Variants in SYNPO2 observed in about 807,000 individuals in gnomAD.
SYNPO2 encodes synaptopodin 2.
SYNPO2 carries 56 observed loss-of-function variants against 85.0 expected under a neutral mutation model. The observed-to-expected ratio is 0.66, with a 90% CI of 0.53 to 0.82. The LOEUF (loss-of-function observed/expected upper bound fraction) is 0.82. SYNPO2 is among the 40% of genes least tolerant of loss of function. The pLI is 0.00. For synonymous variants in SYNPO2, 602 were observed against 591.1 expected (o/e 1.02, Z -0.27); for missense variants, 1,575 against 1,534.2 (o/e 1.03, Z -0.44).
intron 1 of SYNPO2, among the ~76,000 whole-genome samples, chr4:119,011,843 G>T (rs542270650): frequency 1.4e-4 from 21 of 152,138 alleles, no homozygotes; most frequent in Middle Eastern, 3.4e-3. Context: ...GAAGCTAAAT[G>T]GGAGCTATTT....
In SYNPO2 at chr4:118,897,104, TG is replaced by T. The variant is rs1732574221; in HGVS notation, c.105+7965del. Among the ~76,000 whole-genome samples the T allele has an allele frequency of 2.0e-5, 3 of 152,252 alleles. No individual in the cohort carries two copies. In the South Asian group the frequency reaches 6.2e-4, roughly 32 times the overall value. On this transcript the variant is annotated intron_variant, in intron 1 of 4. Coordinates refer to ENST00000307142, the MANE Select transcript of SYNPO2 (RefSeq NM_133477.3). ...GGTTTAATTGACTCACAGTTTCACATGGCTGGGGAGGCCTCAGGAAACTTAG... is the reference window on the plus strand; with the variant it reads ...GGTTTAATTGACTCACAGTTTCACATGCTGGGGAGGCCTCAGGAAACTTAG...
At chr4:118,969,105 C>A (rs1042512384) in intron 1 of SYNPO2, among the ~76,000 whole-genome samples, 4 of 152,136 alleles carry the variant, frequency 2.6e-5, no homozygotes, top group Admixed American at 1.3e-4. Flanking sequence ...CCTCAAGGGG[C>A]CCTTGCAGCT....
chr4:119,023,443 G>A lies in SYNPO2; in HGVS notation c.119G>A (p.Ser40Asn). The stretch of plus-strand genomic sequence containing the variant: ...TACTCCACTCAGATTCGAAATCAGA[G>A]CAAAGCCTCTGGGTCTGGGCTCTGT... ...PLQVAKIRNQ[S>N]KASGSGLCEG... The change falls in exon 2 of 5, where the codon AGC becomes AAC. Residue 40 changes from serine to asparagine, a missense_variant. Physicochemically the swap from Ser to Asn is conservative, Grantham distance 46 (BLOSUM62 1). Coordinates refer to ENST00000307142, the MANE Select transcript of SYNPO2 (RefSeq NM_133477.3). 6.2e-6 allele frequency: 10 copies of A among 1,610,864 alleles called. No individual in the cohort carries two copies. The highest frequency in any genetic ancestry group is 8.5e-6 in the Non-Finnish European group (10 of 1,178,846).
exon 1 of SYNPO2, chr4:118,850,889 AG>A (rs1431504386): frequency 2.5e-6 from 1 of 398,626 alleles, no homozygotes; most frequent in Non-Finnish European, 4.4e-6. Flanking sequence ...GGAATGAGAA[AG>A]GAAGAAAAGC....
intron 3 of SYNPO2, among the ~76,000 whole-genome samples, chr4:119,028,078 C>T (rs974712995): frequency 1.3e-5 from 2 of 151,982 alleles, no homozygotes; most frequent in Non-Finnish European, 1.5e-5. Flanking sequence ...TTAAATGTCT[C>T]CAAACATAAA....
At position 119,012,062 on chromosome 4, in the gene SYNPO2, A is replaced by T. The variant is rs1193623373; in HGVS notation, c.106-11368A>T. 4.6e-5 allele frequency among the ~76,000 whole-genome samples: 7 copies of T among 151,686 alleles called. No homozygotes were observed. The East Asian group carries it at 1.2e-3, about 25-fold the overall frequency. ...CTCAGCCTTCTGAGTAGCTAGGATTACAGGTACCTGCCACCACGTCTGGCT... is the reference window on the plus strand; with the variant it reads ...CTCAGCCTTCTGAGTAGCTAGGATTTCAGGTACCTGCCACCACGTCTGGCT... On this transcript the variant is annotated intron_variant, in intron 1 of 4. Transcript: ENST00000307142.
At chr4:119,044,329 T>A (rs1320032329) in intron 4 of SYNPO2, among the ~76,000 whole-genome samples, 1 of 152,212 alleles carries the variant, frequency 6.6e-6, no homozygotes, top group East Asian at 1.9e-4. Flanking sequence ...GGCATCTCCA[T>A]GTCTCTAAAA....
At chr4:118,962,386 T>C (rs903869934) in intron 1 of SYNPO2, among the ~76,000 whole-genome samples, 6 of 152,144 alleles carry the variant, frequency 3.9e-5, no homozygotes, top group African/African-American at 1.4e-4. Flanking sequence ...TAGCTAAAAA[T>C]GTTCCTGCAA....
rs750318658 is a variant in SYNPO2 at position 119,027,217 on chromosome 4, G to T, written c.848G>T (p.Arg283Leu). The T allele has an allele frequency of 6.2e-7, 1 of 1,613,990 alleles. No individual in the cohort carries two copies. The highest frequency in any genetic ancestry group is 8.5e-7 in the Non-Finnish European group (1 of 1,180,034). The change falls in exon 3 of 5, where the codon CGG becomes CTG. Residue 283 changes from arginine to leucine, a missense_variant. Physicochemically the swap from Arg to Leu is moderately radical, Grantham distance 102 (BLOSUM62 -2). Around this residue, in one of 3 missense-constraint regions of SYNPO2, gnomAD observed 1,508 missense variants for 1,446.8 expected, o/e 1.04. Coordinates refer to ENST00000307142, the MANE Select transcript of SYNPO2 (RefSeq NM_133477.3). ...ESEAGDAGLP[R>L]VEVILDCSDR... ...GAAGCAGGAGATGCGGGACTGCCCC[G>T]GGTGGAAGTGATCCTCGACTGCTCT... is the stretch of plus-strand genomic sequence containing the variant.
At chr4:118,895,623 ACT>A (rs1167906505) in intron 1 of SYNPO2, among the ~76,000 whole-genome samples, 1 of 151,942 alleles carries the variant, frequency 6.6e-6, no homozygotes, top group African/African-American at 2.4e-5. Flanking sequence ...CTCCTGCTAG[ACT>A]CTGGTTGAGT....
chr4:118,977,465 T>G (rs1434833392), intron 1 of SYNPO2, among the ~76,000 whole-genome samples: 1 of 152,168 alleles, frequency 6.6e-6, no homozygotes, highest in Non-Finnish European at 1.5e-5. Context: ...GGGAGTGGGC[T>G]CCGGCCTTGG....
rs1560972329 is a variant in SYNPO2, at chr4:119,007,255, TATATATATATATATATATATGTATATAC to T, written c.106-16160_106-16133del. 4.6e-3 allele frequency among the ~76,000 whole-genome samples: 200 copies of T among 43,706 alleles called. 14 individuals are homozygous for T. Among genetic ancestry groups the T allele is most frequent in the African/African-American group, 0.016 (191 of 11,944 alleles). 28.7% of individuals were successfully genotyped at this position (43,706 alleles called of 152,430 possible). On this transcript the variant is annotated intron_variant, in intron 1 of 4. Transcript: ENST00000307142. The stretch of plus-strand genomic sequence containing the variant: ...ATATATATATATATATGTATATACA[TATATATATATATATATATATGTATATAC>T]ATATATATATATATGTATATACACG...
chr4:118,913,674 C>A (rs1264324521), intron 1 of SYNPO2, among the ~76,000 whole-genome samples: 1 of 151,510 alleles, frequency 6.6e-6, no homozygotes, highest in Non-Finnish European at 1.5e-5. Flanking sequence ...TGTGTGAGGT[C>A]TTTGTGTCAG....
At chr4:118,893,257 T>C (rs1159349976) in intron 1 of SYNPO2, among the ~76,000 whole-genome samples, 2 of 152,220 alleles carry the variant, frequency 1.3e-5, no homozygotes, top group African/African-American at 4.8e-5. Context: ...TTTGGAATTG[T>C]ATATTTTAAG....
intron 4 of SYNPO2, among the ~76,000 whole-genome samples, chr4:119,039,315 G>T (rs538991340): frequency 3.3e-5 from 5 of 152,216 alleles, no homozygotes; most frequent in Admixed American, 3.3e-4. Context: ...TAATCACAAG[G>T]CTATACTACC....
At chr4:118,966,859 T>C (rs1441911703) in intron 1 of SYNPO2, among the ~76,000 whole-genome samples, 2 of 152,194 alleles carry the variant, frequency 1.3e-5, no homozygotes, top group Admixed American at 6.5e-5. Context: ...AATCTACTCA[T>C]GTACTTGAAG....
At chr4:118,938,198 A>G (rs1734178922) in intron 1 of SYNPO2, among the ~76,000 whole-genome samples, 1 of 152,114 alleles carries the variant, frequency 6.6e-6, no homozygotes, top group African/African-American at 2.4e-5. Flanking sequence ...AGGAGTCTGC[A>G]GTCCCGGCTA....
intron 1 of SYNPO2, among the ~76,000 whole-genome samples, chr4:118,964,661 A>G (rs1303377990): frequency 6.6e-6 from 1 of 150,580 alleles, no homozygotes; most frequent in Non-Finnish European, 1.5e-5. Flanking sequence ...CTTCCCTCCC[A>G]CTCTTTGATT....
At chr4:118,860,616 C>T (rs1425792661) in intron 1 of SYNPO2, among the ~76,000 whole-genome samples, 5 of 142,856 alleles carry the variant, frequency 3.5e-5, no homozygotes, top group African/African-American at 1.1e-4. Flanking sequence ...AGTGCAGTGG[C>T]GTGATCTTGG....
Sources: allele counts gnomAD v4.1 joint callset (sites outside exome capture counted in the v4.1 genomes callset), GRCh38; gene constraint gnomAD v4.1.1; regional missense constraint gnomAD v4.1.1; transcripts MANE v1.5; gene names NCBI Gene and HGNC (gene_info 2026-07-23, HGNC 2026-07-21).